The following RBFOX1 variants were observed in gnomAD, a reference collection of about 807,000 sequenced individuals.
The protein encoded by RBFOX1 is RNA binding protein fox-1 homolog 1.
Under a neutral mutation model 57.7 loss-of-function variants are expected in RBFOX1, and 8 were observed. The ratio of observed to expected loss-of-function variants is 0.14; its 90% CI spans 0.08 to 0.25. The LOEUF (loss-of-function observed/expected upper bound fraction) is 0.25, where lower values mean the gene tolerates loss of function less well. Ranked by LOEUF, RBFOX1 falls within the 10% of genes least tolerant of loss-of-function variation. The probability of loss-of-function intolerance (pLI) is 1.00; values close to 1 mark genes in which losing one functional copy is unlikely to be tolerated. For missense variants in RBFOX1, 611 were observed against 548.5 expected, an observed-to-expected ratio of 1.11 and a Z score of -1.14; for synonymous variants, 326 against 222.4, an observed-to-expected ratio of 1.47 and a Z score of -4.15.
At chr16:6,559,336 GTATGTGTGTA>G (rs36228105) in intron 2 of RBFOX1, among the ~76,000 whole-genome samples, 4,365 of 151,968 alleles carry the variant, frequency 0.029, 92 homozygotes, top group African/African-American at 0.056. Context: ...ACATGTATAT[GTATGTGTGTA>G]TATGTGTGTA....
At chr16:5,653,786 G>A (rs1183088739) in intron 3 of RBFOX1, among the ~76,000 whole-genome samples, 1 of 152,188 alleles carries the variant, frequency 6.6e-6, no homozygotes, top group Non-Finnish European at 1.5e-5. Flanking sequence ...CGGTTTACCT[G>A]CAGCCACTGA....
At chr16:6,116,920 G>C (rs1315274847) in intron 1 of RBFOX1, among the ~76,000 whole-genome samples, 4 of 152,154 alleles carry the variant, frequency 2.6e-5, no homozygotes, top group East Asian at 3.9e-4. Flanking sequence ...GAGGGAGAGA[G>C]ATGCTGGAGG....
intron 1 of RBFOX1, among the ~76,000 whole-genome samples, chr16:5,294,589 G>C (rs1180721291): frequency 6.6e-6 from 1 of 152,140 alleles, no homozygotes; most frequent in Non-Finnish European, 1.5e-5. Context: ...GAATCTTGTG[G>C]GTGGGGCCGA....
chr16:6,959,090 C>A (rs959349534), intron 3 of RBFOX1, among the ~76,000 whole-genome samples: 1 of 152,094 alleles, frequency 6.6e-6, no homozygotes, highest in African/African-American at 2.4e-5. Context: ...TAAAGATAGG[C>A]ATTTTCTTTT....
chr16:6,797,312 G>A (rs966693124), intron 3 of RBFOX1, among the ~76,000 whole-genome samples: 16 of 152,124 alleles, frequency 1.1e-4, no homozygotes, highest in Admixed American at 6.5e-4. Context: ...CAAAGTTACC[G>A]TTTCAGAGCA....
intron 1 of RBFOX1, among the ~76,000 whole-genome samples, chr16:5,436,304 T>C (rs771823146): frequency 7.2e-5 from 11 of 152,192 alleles, no homozygotes; most frequent in Non-Finnish European, 1.5e-4. Flanking sequence ...TGCCCTTGGT[T>C]CCAAGTTGTG....
intron 2 of RBFOX1, among the ~76,000 whole-genome samples, chr16:6,615,584 T>C (rs1426823014): frequency 6.7e-6 from 1 of 150,168 alleles, no homozygotes; most frequent in Non-Finnish European, 1.5e-5. Flanking sequence ...AAAAAAAAAA[T>C]CCTCTGTCCC....
intron 2 of RBFOX1, among the ~76,000 whole-genome samples, chr16:6,383,618 C>A (rs1364515438): frequency 1.3e-5 from 2 of 152,008 alleles, no homozygotes; most frequent in Non-Finnish European, 2.9e-5. Flanking sequence ...ACTGAAAATA[C>A]AAAAATTAGC....
intron 1 of RBFOX1, among the ~76,000 whole-genome samples, chr16:5,335,246 A>G (rs1055609915): frequency 6.6e-6 from 1 of 152,200 alleles, no homozygotes; most frequent in Non-Finnish European, 1.5e-5. Flanking sequence ...TTCATGATAC[A>G]TCACAGAGAT....
chr16:7,223,627 A>T (rs894273751), intron 4 of RBFOX1, among the ~76,000 whole-genome samples: 6 of 151,184 alleles, frequency 4.0e-5, no homozygotes, highest in African/African-American at 1.5e-4. Context: ...GCTTTCAAGC[A>T]TTATGCTATT....
chr16:6,847,075 C>T (rs187344886), intron 3 of RBFOX1, among the ~76,000 whole-genome samples: 1 of 152,142 alleles, frequency 6.6e-6, no homozygotes, highest in African/African-American at 2.4e-5. Context: ...AGTGAAGCAT[C>T]TTTCCTTCCC....
intron 3 of RBFOX1, among the ~76,000 whole-genome samples, chr16:6,708,861 G>T (rs1311856781): frequency 6.6e-6 from 1 of 152,100 alleles, no homozygotes; most frequent in South Asian, 2.1e-4. Context: ...ATTATTTCAG[G>T]CACCAGAAGT....
chr16:6,004,094 C>G (rs111558061), intron 4 of RBFOX1, among the ~76,000 whole-genome samples: 2 of 152,118 alleles, frequency 1.3e-5, no homozygotes, highest in Admixed American at 6.5e-5. Flanking sequence ...GGGCTTAATA[C>G]CAAGGTGATG....
chr16:5,749,966 T>A (rs1353294002), intron 3 of RBFOX1, among the ~76,000 whole-genome samples: 1 of 152,242 alleles, frequency 6.6e-6, no homozygotes, highest in East Asian at 1.9e-4. Context: ...TTTCAGCTTT[T>A]CTGCTCTGTT....
At chr16:6,727,212 A>G (rs1260281644) in intron 3 of RBFOX1, among the ~76,000 whole-genome samples, 3 of 152,212 alleles carry the variant, frequency 2.0e-5, no homozygotes, top group East Asian at 1.9e-4. Context: ...AATTCTGACA[A>G]TCCCTCAACC....
At chr16:7,361,880 G>T (rs1029342877) in intron 4 of RBFOX1, among the ~76,000 whole-genome samples, 1 of 151,450 alleles carries the variant, frequency 6.6e-6, no homozygotes, top group East Asian at 1.9e-4. Context: ...TGTGTTTTGT[G>T]TATATGTTAG....
chr16:7,340,585 A>G (rs888298327), intron 4 of RBFOX1, among the ~76,000 whole-genome samples: 1 of 152,220 alleles, frequency 6.6e-6, no homozygotes, highest in African/African-American at 2.4e-5. Context: ...ATCCAACAAC[A>G]CAATAATCAG....
chr16:6,877,962 G>C (rs2062149545), intron 3 of RBFOX1, among the ~76,000 whole-genome samples: 1 of 152,116 alleles, frequency 6.6e-6, no homozygotes, highest in Admixed American at 6.6e-5. Flanking sequence ...AAAAGTAGGG[G>C]ATAAGGGTTT....
chr16:5,544,951 CTTTTTTTTTTTTTTTTTTTTTTTTTTTTT>C (rs59873374), intron 2 of RBFOX1, among the ~76,000 whole-genome samples: 7,241 of 124,446 alleles, frequency 0.058, 359 homozygotes, highest in Admixed American at 0.14. Flanking sequence ...CTATTACATT[CTTTTTTTTTTTTTTTTTTTTTTTTTTTTT>C]TTTTTTTTTT....
Sources: gnomAD v4.1 joint callset for allele counts (sites outside exome capture counted in the v4.1 genomes callset) on GRCh38, gnomAD v4.1.1 for gene constraint, MANE v1.5 for transcripts, NCBI Gene and HGNC (gene_info 2026-07-23, HGNC 2026-07-21) for gene names.